KIF7: variants seen among roughly 807,000 people sequenced by gnomAD.
The protein encoded by KIF7 is kinesin-like protein KIF7.
KIF7 carries 104 observed loss-of-function variants against 135.7 expected under a neutral mutation model. The observed-to-expected ratio is 0.77, with a 90% CI of 0.65 to 0.90. The LOEUF (loss-of-function observed/expected upper bound fraction) is 0.90. Among genes scored for constraint, KIF7 ranks in the 40% least tolerant of loss-of-function variants. KIF7 has a pLI of 0.00. For missense variants in KIF7, 2,005 were observed against 1,839.1 expected, an observed-to-expected ratio of 1.09 and a Z score of -1.65; for synonymous variants, 883 against 809.4, an observed-to-expected ratio of 1.09 and a Z score of -1.54.
In KIF7 at chr15:89,646,035, G is replaced by C. The variant is rs768510960; in HGVS notation, c.1789-9C>G. On this transcript the variant is annotated splice_polypyrimidine_tract_variant and intron_variant, in intron 7 of 18. Coordinates refer to ENST00000394412, the MANE Select transcript of KIF7 (RefSeq NM_198525.3). ...CTGCCATTTGTCACCTGCTAGGGGAGTGAGCCATTTCCCATCCCAAGTCAT... is the reference window on the plus strand; with the variant it reads ...CTGCCATTTGTCACCTGCTAGGGGACTGAGCCATTTCCCATCCCAAGTCAT... 1 of 1,613,606 alleles carries C rather than the reference G, an allele frequency of 6.2e-7. No homozygotes were observed. The highest frequency in any genetic ancestry group is 8.5e-7 in the Non-Finnish European group (1 of 1,179,972).
chr15:89,618,186 GAA>G (rs1000843512), exon 2 of KIF7: 1 of 1,614,052 alleles, frequency 6.2e-7, no homozygotes, highest in African/African-American at 1.3e-5. Flanking sequence ...TGGTGTTGTT[GAA>G]GAGTCCCCTG....
intron 12 of KIF7, 25 bp downstream of exon 12, chr15:89,633,661 G>T (rs778051916): frequency 6.2e-7 from 1 of 1,602,004 alleles, no homozygotes; most frequent in East Asian, 2.2e-5. Context: ...TGGACAGAAG[G>T]TCCCCACCCT....
rs1485836507 is a variant in KIF7 at position 89,648,323 on chromosome 15, C to T, written c.1375G>A (p.Gly459Arg). The change falls in exon 5 of 19, where the codon GGG becomes AGG. Residue 459 changes from glycine to arginine, a missense_variant. Coordinates refer to ENST00000394412, the MANE Select transcript of KIF7 (RefSeq NM_198525.3). ...GERSALSSAS[G>R]PDSGIESASV... Reference sequence around the variant, plus strand: ...GCGCTCTCGATGCCGCTATCGGGCCCGGAGGCGGAGCTCAGGGCGCTGCGC... The same window carrying T: ...GCGCTCTCGATGCCGCTATCGGGCCTGGAGGCGGAGCTCAGGGCGCTGCGC... 2.0e-6 allele frequency: 3 copies of T among 1,508,186 alleles called. No individual in the cohort carries two copies. The highest frequency in any genetic ancestry group is 2.7e-6 in the Non-Finnish European group (3 of 1,130,626). The allele number at this position is 1,508,186 out of a possible 1,614,324, so 93.4% of individuals were successfully genotyped here. A position where few individuals can be genotyped will look rare whatever the true frequency, so the allele number is the denominator to read the frequency against.
At chr15:89,624,984 C>T, downstream of KIF7, 1 of 1,614,098 alleles carries the variant, frequency 6.2e-7, no homozygotes, top group Non-Finnish European at 8.5e-7. Context: ...GCCCACAGAC[C>T]TATGAGGTTG....
intron 15 of KIF7, among the ~76,000 whole-genome samples, 171 bp downstream of exon 15, chr15:89,631,324 C>T (rs767991494): frequency 5.3e-5 from 8 of 152,358 alleles, no homozygotes; most frequent in Admixed American, 4.6e-4. Flanking sequence ...AAAGCAGGGG[C>T]AGAAGGGCCA....
At position 89,631,308 on chromosome 15, in the gene KIF7, G is replaced by A. The variant is rs1440824817; in HGVS notation, c.3111+187C>T. Among the ~76,000 whole-genome samples, 3 of 152,240 alleles carry A rather than the reference G, an allele frequency of 2.0e-5. No individual in the cohort carries two copies. The East Asian group carries it at 5.8e-4, about 29-fold the overall frequency. The stretch of plus-strand genomic sequence containing the variant: ...GCCTGGCCCCTGTGTCCCAGCCAAT[G>A]AGGCCAAAGCAGGGGCAGAAGGGCC... On this transcript the variant is annotated intron_variant, in intron 15 of 18. Transcript: ENST00000394412.
At chr15:89,624,873 T>C, downstream of KIF7, 1 of 1,613,968 alleles carries the variant, frequency 6.2e-7, no homozygotes. Flanking sequence ...CTCTGATGCC[T>C]TCCCGTGACG....
In KIF7 at chr15:89,632,804, C is replaced by T. The variant is rs1221949548; in HGVS notation, c.2895+16G>A. 1.3e-6 allele frequency: 2 copies of T among 1,599,322 alleles called. No individual in the cohort carries two copies. Among genetic ancestry groups the T allele is most frequent in the South Asian group, 1.1e-5 (1 of 89,622 alleles). On this transcript the variant is annotated intron_variant, in intron 14 of 18. Coordinates refer to ENST00000394412, the MANE Select transcript of KIF7 (RefSeq NM_198525.3). ...CTGGACCTCACCTGGCAGGATCTCT[C>T]CTGGCAGGGCCTCACCTGGCTGGAT... is the stretch of plus-strand genomic sequence containing the variant.
downstream of KIF7, chr15:89,623,530 T>C (rs183366292): frequency 3.9e-5 from 50 of 1,274,232 alleles, no homozygotes; most frequent in Admixed American, 8.4e-4. Context: ...TGGCTGACTA[T>C]AAATCTCCCA....
At position 89,649,856 on chromosome 15, in the gene KIF7, G is replaced by C; in HGVS notation, c.414C>G (p.Asp138Glu). ...FKLIDENDLL[D>E]CLVHVSYLEV... ...CCAGGTAGGACACATGTACCAGACAGTCAAGCAGGTCGTTCTCATCGATGA... is the reference window on the plus strand; with the variant it reads ...CCAGGTAGGACACATGTACCAGACACTCAAGCAGGTCGTTCTCATCGATGA... The change falls in exon 3 of 19, where the codon GAC (aspartate) becomes GAG (glutamate). Residue 138 changes from aspartate to glutamate, a missense_variant. Coordinates refer to ENST00000394412, the MANE Select transcript of KIF7 (RefSeq NM_198525.3). 1 of 1,551,822 alleles carries C rather than the reference G, an allele frequency of 6.4e-7. No individual in the cohort carries two copies. Among genetic ancestry groups the C allele is most frequent in the East Asian group, 2.4e-5 (1 of 40,926 alleles).
Position 89,629,586 on chromosome 15 carries a change from C to T in KIF7, c.3319-13G>A, listed in dbSNP as rs371154050. 262 of 1,603,538 alleles carry T rather than the reference C, an allele frequency of 1.6e-4. No homozygotes were observed. Among genetic ancestry groups the T allele is most frequent in the Non-Finnish European group, 2.2e-4 (256 of 1,179,958 alleles). ...GGAGCGTCACCACCTGTCCCAAGAC[C>T]CAGCCAGGCTCAGCCCTCATCATGA... On this transcript the variant is annotated splice_polypyrimidine_tract_variant and intron_variant, in intron 16 of 18. Coordinates refer to ENST00000394412, the MANE Select transcript of KIF7 (RefSeq NM_198525.3).
chr15:89,655,146 G>C (rs1316374312), intron 1 of KIF7, among the ~76,000 whole-genome samples: 2 of 152,234 alleles, frequency 1.3e-5, no homozygotes, highest in African/African-American at 4.8e-5. Context: ...CGCAGCCTTG[G>C]CGCTCGCCCC....
chr15:89,648,584 C>A lies in KIF7; in HGVS notation c.1114G>T (p.Ala372Ser), dbSNP rs1229552986. The A allele has an allele frequency of 6.6e-7, 1 of 1,516,280 alleles. No homozygotes were observed. The highest frequency in any genetic ancestry group is 2.0e-5 in the Admixed American group (1 of 49,714). 93.9% of individuals were successfully genotyped at this position (1,516,280 alleles called of 1,614,324 possible). The change falls in exon 5 of 19, where the codon GCG (alanine) becomes TCG (serine). Residue 372 changes from alanine to serine, a missense_variant. Ala to Ser is a moderately conservative substitution (Grantham distance 99, BLOSUM62 1). Coordinates refer to ENST00000394412, the MANE Select transcript of KIF7 (RefSeq NM_198525.3). ...ERPPEETASG[A>S]RGPPRHRSET... is the part of the protein sequence containing the mutation. ...GAGCGGTGCCGTGGCGGACCCCGCG[C>A]GCCGCTCGCCGTCTCTTCGGGTGGC...
chr15:89,635,655 C>T (rs1464431411), intron 11 of KIF7, among the ~76,000 whole-genome samples: 1 of 152,152 alleles, frequency 6.6e-6, no homozygotes, highest in Non-Finnish European at 1.5e-5. Context: ...TGAGCAAAGC[C>T]TCCAAGAAAT....
chr15:89,630,419 G>A lies in KIF7; in HGVS notation c.3186C>T (p.Ala1062=). The A allele has an allele frequency of 6.2e-7, 1 of 1,606,388 alleles. No individual in the cohort carries two copies. The highest frequency in any genetic ancestry group is 1.1e-5 in the South Asian group (1 of 89,602). Residue 1062 remains alanine (A), a synonymous_variant, in exon 16 of 19, where the codon GCC becomes GCT. Transcript: ENST00000394412. ...LDAAIEYKNE[A]ITCRQRVLRA... is the part of the protein sequence containing the mutation. ...GAAGCACCCGCTGGCGGCATGTGATGGCCTCATTCTTATACTCAATGGCAG... is the reference window on the plus strand; with the variant it reads ...GAAGCACCCGCTGGCGGCATGTGATAGCCTCATTCTTATACTCAATGGCAG...
At position 89,629,139 on chromosome 15, in the gene KIF7, G is replaced by T. The variant is rs200157929; in HGVS notation, c.3518-17C>A. The stretch of plus-strand genomic sequence containing the variant: ...CGAGGTGGTCTAGAGTGGAAAGGTC[G>T]AGGAGAGGGTGGTGAGGGCTGCAGG... On this transcript the variant is annotated splice_polypyrimidine_tract_variant and intron_variant, in intron 17 of 18. Coordinates refer to ENST00000394412, the MANE Select transcript of KIF7 (RefSeq NM_198525.3). 1 of 1,610,558 alleles carries T rather than the reference G, an allele frequency of 6.2e-7. No individual in the cohort carries two copies.
chr15:89,648,039 G>A (rs371519990), intron 5 of KIF7, among the ~76,000 whole-genome samples: 32 of 152,324 alleles, frequency 2.1e-4, no homozygotes, highest in South Asian at 4.1e-4. Context: ...AAGAGATGGG[G>A]TAAGTCCTAC....
At chr15:89,620,764 C>T (rs1004550249) in intron 1 of KIF7, among the ~76,000 whole-genome samples, 2 of 152,100 alleles carry the variant, frequency 1.3e-5, no homozygotes, top group Non-Finnish European at 2.9e-5. Flanking sequence ...ACTCTGTTGC[C>T]CAGGCTGGAG....
chr15:89,630,413 T>A lies in KIF7; in HGVS notation c.3192A>T (p.Thr1064=), dbSNP rs574281511. ...AAIEYKNEAI[T]CRQRVLRASA... ...AGGCCCGAAGCACCCGCTGGCGGCA[T>A]GTGATGGCCTCATTCTTATACTCAA... Residue 1064 remains threonine, a synonymous_variant, in exon 16 of 19, where the codon ACA becomes ACT. Transcript: ENST00000394412. 67 of 1,608,836 alleles carry A rather than the reference T, an allele frequency of 4.2e-5. No individual in the cohort carries two copies. Among genetic ancestry groups the A allele is most frequent in the African/African-American group, 2.0e-4 (15 of 75,016 alleles).
Sources: allele counts gnomAD v4.1 joint callset (sites outside exome capture counted in the v4.1 genomes callset), GRCh38; gene constraint gnomAD v4.1.1; transcripts MANE v1.5; gene names NCBI Gene and HGNC (gene_info 2026-07-23, HGNC 2026-07-21).